The following LPIN2 variants were observed in gnomAD, a reference collection of about 807,000 sequenced individuals.
The protein encoded by LPIN2 is phosphatidate phosphatase LPIN2.
A neutral mutation model predicts 111.4 loss-of-function variants in LPIN2; 55 were observed. The observed-to-expected ratio is 0.49, with a 90% CI of 0.40 to 0.62. The LOEUF is 0.62. Among genes scored for constraint, LPIN2 ranks in the 20% least tolerant of loss-of-function variants. The pLI, the probability that LPIN2 is intolerant of heterozygous loss-of-function variation, is 0.00. For missense variants in LPIN2, 992 were observed against 1,112.1 expected (o/e 0.89, Z 1.54); for synonymous variants, 425 against 414.0 (o/e 1.03, Z -0.32).
rs763500782 is a variant in LPIN2, at chr18:2,954,513, T to C, written c.279A>G (p.Glu93=). 6.2e-7 allele frequency: 1 copy of C among 1,613,044 alleles called. No homozygotes were observed. Among genetic ancestry groups the C allele is most frequent in the Non-Finnish European group, 8.5e-7 (1 of 1,178,966 alleles). ...NGEAFFVEET[E]EEYEKLPAYL... is the part of the protein sequence containing the mutation. ...ACCCATGCAAACTTACATATTCTTCTTCAGTCTCCTCAACAAAGAAAGCTT... is the reference window on the plus strand; with the variant it reads ...ACCCATGCAAACTTACATATTCTTCCTCAGTCTCCTCAACAAAGAAAGCTT... Residue 93 remains glutamate (E), a synonymous_variant, in exon 3 of 20, where the codon GAA becomes GAG. Coordinates refer to ENST00000677752, the MANE Select transcript of LPIN2 (RefSeq NM_001375808.2).
Position 2,920,315 on chromosome 18 carries a change from A to C in LPIN2, c.2669T>G (p.Val890Gly). The C allele has an allele frequency of 6.2e-7, 1 of 1,614,154 alleles. No homozygotes were observed. Among genetic ancestry groups the C allele is most frequent in the South Asian group, 1.1e-5 (1 of 91,088 alleles). ...FCYWRDPIPE[V>G]DLDDLS ...GCCTCAAGACAGGTCATCCAGGTCC[A>C]CTTCAGGGATCGGGTCTCGCCAGTA... is the stretch of plus-strand genomic sequence containing the variant. Residue 890 changes from valine to glycine, a missense_variant, in exon 20 of 20, where the codon GTG becomes GGG. Val to Gly is a moderately radical substitution (Grantham distance 109). Around this residue, in one of 4 missense-constraint regions of LPIN2, gnomAD observed 185 missense variants for 186.5 expected, o/e 0.99. Coordinates refer to ENST00000677752, the MANE Select transcript of LPIN2 (RefSeq NM_001375808.2).
intron 1 of LPIN2, chr18:2,991,163 G>T: frequency 3.3e-6 from 1 of 303,508 alleles, no homozygotes; most frequent in South Asian, 3.5e-5. Context: ...GTGACTCTGG[G>T]TGTTTTCTTA....
Position 2,937,914 on chromosome 18 carries a change from A to T in LPIN2, c.946T>A (p.Ser316Thr). ...ATGGTACAGACAGTGTCTTCCATGG[A>T]AGCATCCTTCTCAACTTCACTGATG... ...NLISEVEKDA[S>T]MEDTVCTIVK... Residue 316 changes from serine (S) to threonine (T), a missense_variant, in exon 7 of 20, where the codon TCC becomes ACC. Transcript: ENST00000677752. 1.2e-6 allele frequency: 2 copies of T among 1,614,148 alleles called. No homozygotes were observed. Among genetic ancestry groups the T allele is most frequent in the Non-Finnish European group, 1.7e-6 (2 of 1,180,020 alleles).
rs567158371 is a variant in LPIN2, at chr18:2,920,249, G to A, written c.*44C>T. ...GAAGAGCCAGCTGCCTTCCCTTGCTGTGGGGAGGGGGACCAAGCCCTGCCC... is the reference window on the plus strand; with the variant it reads ...GAAGAGCCAGCTGCCTTCCCTTGCTATGGGGAGGGGGACCAAGCCCTGCCC... On this transcript the variant is annotated 3_prime_UTR_variant, in exon 20 of 20. Coordinates refer to ENST00000677752, the MANE Select transcript of LPIN2 (RefSeq NM_001375808.2). The A allele has an allele frequency of 6.2e-7, 1 of 1,612,936 alleles. No homozygotes were observed. Among genetic ancestry groups the A allele is most frequent in the South Asian group, 1.1e-5 (1 of 91,046 alleles).
intron 3 of LPIN2, 71 bp from the exon 4 acceptor site, chr18:2,951,427 A>T (rs1207911073): frequency 3.1e-6 from 4 of 1,291,976 alleles, no homozygotes; most frequent in Non-Finnish European, 4.3e-6. Context: ...TAATATTTTG[A>T]ATATATAAAT....
At chr18:3,006,264 AG>A (rs1336785912) in intron 1 of LPIN2, among the ~76,000 whole-genome samples, 1 of 152,256 alleles carries the variant, frequency 6.6e-6, no homozygotes, top group African/African-American at 2.4e-5. Flanking sequence ...ACTTTACAAC[AG>A]ACTAAGAATG....
intron 1 of LPIN2, chr18:2,977,142 A>C (rs1425094094): frequency 6.6e-6 from 1 of 150,838 alleles, no homozygotes; most frequent in Non-Finnish European, 1.5e-5. Context: ...TGGGAGGCAG[A>C]GGTTGCCTCC....
intron 6 of LPIN2, 65 bp downstream of exon 6, chr18:2,939,415 G>C (rs2077338341): frequency 1.3e-6 from 2 of 1,598,926 alleles, no homozygotes; most frequent in Admixed American, 3.3e-5. Flanking sequence ...TTTACTTATG[G>C]GCAGAGGAAT....
chr18:3,000,988 G>A (rs954626510), intron 1 of LPIN2, among the ~76,000 whole-genome samples: 2 of 149,428 alleles, frequency 1.3e-5, no homozygotes, highest in African/African-American at 2.5e-5. Flanking sequence ...GAGAGGGAGG[G>A]AGAGAGAGAG....
In LPIN2 at chr18:2,917,055, C is replaced by A. The variant is rs2076980454; in HGVS notation, c.*3238G>T. On this transcript the variant is annotated 3_prime_UTR_variant, in exon 20 of 20. Coordinates refer to ENST00000677752, the MANE Select transcript of LPIN2 (RefSeq NM_001375808.2). ...TTTGTTTTGAACATCAAACACTGCACCAAAATATTAGCCATTCATCTTGCA... is the reference window on the plus strand; with the variant it reads ...TTTGTTTTGAACATCAAACACTGCAACAAAATATTAGCCATTCATCTTGCA... The A allele has an allele frequency of 1.3e-5, 2 of 152,190 alleles. No individual in the cohort carries two copies. The highest frequency in any genetic ancestry group is 4.8e-5 in the African/African-American group (2 of 41,454). 9.4% of individuals were successfully genotyped at this position (152,190 alleles called of 1,614,324 possible).
At chr18:2,956,311 G>GTGTGTGTGTGTGTGTGTGTGTGTGTGTGT (rs2077612603) in intron 2 of LPIN2, among the ~76,000 whole-genome samples, 2 of 143,960 alleles carry the variant, frequency 1.4e-5, no homozygotes, top group African/African-American at 5.4e-5. Flanking sequence ...TAGATGCAGG[G>GTGTGTGTGTGTGTGTGTGTGTGTGTGTGT]GTGTGTGTGT....
chr18:3,012,093 T>TTA (rs1419748729), intron 1 of LPIN2: 1 of 152,228 alleles, frequency 6.6e-6, no homozygotes, highest in Non-Finnish European at 1.5e-5. Flanking sequence ...GGCCAAGTTT[T>TTA]AATAAACAGT....
intron 11 of LPIN2, 54 bp from the exon 12 acceptor site, chr18:2,927,865 T>A: frequency 7.0e-7 from 1 of 1,427,768 alleles, no homozygotes; most frequent in Non-Finnish European, 9.9e-7. Context: ...ACACAGCACC[T>A]ACCTTCTATG....
In LPIN2 at chr18:2,925,412, T is replaced by TA; in HGVS notation, c.1794-45_1794-44insT. 4.3e-6 allele frequency: 7 copies of TA among 1,613,110 alleles called. No homozygotes were observed. Among genetic ancestry groups the TA allele is most frequent in the Non-Finnish European group, 5.9e-6 (7 of 1,179,450 alleles). On this transcript the variant is annotated intron_variant, in intron 13 of 19. Transcript: ENST00000677752. This position sits in a 1 kb window ranked among gnomAD's most constrained non-coding sequence, Gnocchi z 4.1. ...GTTACGGAAGAGGCAGCAGGGCATTTTATTGATGAGAGCTTTTCATTTAGG... is the reference window on the plus strand; with the variant it reads ...GTTACGGAAGAGGCAGCAGGGCATTTATATTGATGAGAGCTTTTCATTTAGG...
intron 1 of LPIN2, among the ~76,000 whole-genome samples, chr18:2,993,980 C>T (rs961034265): frequency 2.0e-5 from 3 of 152,174 alleles, no homozygotes. Flanking sequence ...AACCACACTG[C>T]TATTTGAAAG....
chr18:3,006,239 G>A (rs2078513713), intron 1 of LPIN2, among the ~76,000 whole-genome samples: 1 of 152,148 alleles, frequency 6.6e-6, no homozygotes, highest in Admixed American at 6.5e-5. Context: ...TTCCTAAGTA[G>A]AAGGCATCAG....
At chr18:2,996,467 C>A (rs1410527250) in intron 1 of LPIN2, among the ~76,000 whole-genome samples, 2 of 84,996 alleles carry the variant, frequency 2.4e-5, no homozygotes, top group African/African-American at 9.0e-5. Context: ...AGGAAAATAT[C>A]TTTTTTTTTT....
At chr18:2,994,804 G>T (rs966029887) in intron 1 of LPIN2, among the ~76,000 whole-genome samples, 1 of 152,156 alleles carries the variant, frequency 6.6e-6, no homozygotes, top group East Asian at 1.9e-4. Context: ...GGCGGCGGGT[G>T]GGGGCGGTGT....
chr18:2,999,969 A>G (rs551575155), intron 1 of LPIN2, among the ~76,000 whole-genome samples: 6 of 152,054 alleles, frequency 3.9e-5, no homozygotes, highest in African/African-American at 1.4e-4. Flanking sequence ...TGGGAGGATC[A>G]CTTAAGGCTG....
Sources: allele counts gnomAD v4.1 joint callset (sites outside exome capture counted in the v4.1 genomes callset), GRCh38; gene constraint gnomAD v4.1.1; regional missense constraint gnomAD v4.1.1; non-coding constraint Gnocchi (gnomAD v3.1); transcripts MANE v1.5; gene names NCBI Gene and HGNC (gene_info 2026-07-23, HGNC 2026-07-21).